The following ALK variants were observed in gnomAD, a reference collection of about 807,000 sequenced individuals.
ALK encodes the protein ALK receptor tyrosine kinase, also known as ALK tyrosine kinase receptor.
Under a neutral mutation model 163.1 loss-of-function variants are expected in ALK, and 74 were observed. That is an observed-to-expected ratio of 0.45 (90% CI 0.38 to 0.55). The LOEUF (loss-of-function observed/expected upper bound fraction) is 0.55, where lower values mean the gene tolerates loss of function less well. Among genes scored for constraint, ALK ranks in the 20% least tolerant of loss-of-function variants. The pLI is 0.00. For missense variants in ALK, 2,063 were observed against 2,105.3 expected, an observed-to-expected ratio of 0.98 and a Z score of 0.39; for synonymous variants, 960 against 843.2, an observed-to-expected ratio of 1.14 and a Z score of -2.40.
At chr2:29,399,138 C>T (rs879388166) in intron 4 of ALK, among the ~76,000 whole-genome samples, 3 of 151,924 alleles carry the variant, frequency 2.0e-5, no homozygotes, top group Non-Finnish European at 4.4e-5. Context: ...CTGTGTCAGA[C>T]GCTGGGCAGG....
chr2:29,889,695 C>CAGAGAGAG lies in ALK; in HGVS notation c.667+30290_667+30297dup, dbSNP rs869083201. ...ATCTGTATCTATATAGATAGATAGA[C>CAGAGAGAG]AGAGAGAGAGAGAGAGAGAGAGAGA... On this transcript the variant is annotated intron_variant, in intron 1 of 28. Transcript: ENST00000389048. 1.3e-4 allele frequency among the ~76,000 whole-genome samples: 13 copies of CAGAGAGAG among 101,932 alleles called. No homozygotes were observed. The East Asian group carries it at 1.9e-3, about 15-fold the overall frequency. 66.9% of individuals were successfully genotyped at this position (101,932 alleles called of 152,430 possible).
intron 1 of ALK, among the ~76,000 whole-genome samples, chr2:29,874,467 C>G (rs1302608882): frequency 1.3e-5 from 2 of 152,180 alleles, no homozygotes; most frequent in African/African-American, 4.8e-5. Context: ...CAATTTAAGT[C>G]AGGGCTAGTG....
intron 1 of ALK, among the ~76,000 whole-genome samples, chr2:29,833,013 G>A (rs1665461706): frequency 6.6e-6 from 1 of 152,148 alleles, no homozygotes; most frequent in South Asian, 2.1e-4. Context: ...TGGAAAGAAA[G>A]AGAGCCCAGT....
chr2:29,755,014 C>T (rs960387601), intron 1 of ALK, among the ~76,000 whole-genome samples: 1 of 152,094 alleles, frequency 6.6e-6, no homozygotes. Flanking sequence ...CAGGAAGCAC[C>T]GTGATTCTGA....
At chr2:29,862,056 C>T (rs1326945488) in intron 1 of ALK, among the ~76,000 whole-genome samples, 1 of 151,848 alleles carries the variant, frequency 6.6e-6, no homozygotes, top group Non-Finnish European at 1.5e-5. Flanking sequence ...ATGCAAAATC[C>T]ACAACTGACA....
chr2:29,697,650 G>A (rs528489177), intron 2 of ALK, among the ~76,000 whole-genome samples: 3 of 152,324 alleles, frequency 2.0e-5, no homozygotes, highest in East Asian at 3.9e-4. Context: ...ATGGGATAAT[G>A]TGATAGATAT....
chr2:29,258,934 A>G (rs1195583820), intron 11 of ALK, among the ~76,000 whole-genome samples: 3 of 152,184 alleles, frequency 2.0e-5, no homozygotes, highest in Non-Finnish European at 4.4e-5. Context: ...AGAGCTAGGA[A>G]ATATATATGT....
At chr2:29,475,077 T>C (rs922178551) in intron 4 of ALK, among the ~76,000 whole-genome samples, 5 of 152,146 alleles carry the variant, frequency 3.3e-5, no homozygotes, top group Non-Finnish European at 7.3e-5. Context: ...CACTCACTCA[T>C]CTTCCCTATG....
chr2:29,873,048 G>C (rs1666617558), intron 1 of ALK, among the ~76,000 whole-genome samples: 1 of 152,226 alleles, frequency 6.6e-6, no homozygotes, highest in Non-Finnish European at 1.5e-5. Flanking sequence ...TAGACAGTGT[G>C]AGCTCCTCAG....
At chr2:29,889,472 T>G (rs1193758038) in intron 1 of ALK, among the ~76,000 whole-genome samples, 1 of 152,054 alleles carries the variant, frequency 6.6e-6, no homozygotes, top group Non-Finnish European at 1.5e-5. Flanking sequence ...AGGATCTATT[T>G]TCTTTAAAAT....
At chr2:29,521,855 G>C (rs115175232) in intron 4 of ALK, among the ~76,000 whole-genome samples, 2,308 of 152,284 alleles carry the variant, frequency 0.015, 25 homozygotes, top group African/African-American at 0.026. Context: ...GGTTGGAATG[G>C]AGCTTCAGAA....
intron 3 of ALK, among the ~76,000 whole-genome samples, chr2:29,633,957 G>A (rs1402153488): frequency 1.3e-5 from 2 of 152,052 alleles, no homozygotes; most frequent in Non-Finnish European, 1.5e-5. Context: ...AGGACCAGAT[G>A]GCTTTATTGA....
Position 29,212,646 on chromosome 2 carries a change from T to G in ALK, c.3743+1338A>C, listed in dbSNP as rs116371364. On this transcript the variant is annotated intron_variant, in intron 24 of 28. Transcript: ENST00000389048. ...TACTTCCTGACCTCTCATTTCCCCA[T>G]TTTTATTAGGGAGAAAGCATAACTT... Among the ~76,000 whole-genome samples the G allele has an allele frequency of 3.6e-3, 548 of 152,352 alleles. 7 individuals are homozygous for G. The highest frequency in any genetic ancestry group is 0.012 in the African/African-American group (503 of 41,584).
intron 26 of ALK, among the ~76,000 whole-genome samples, chr2:29,206,382 C>G (rs1669310835): frequency 6.6e-6 from 1 of 151,866 alleles, no homozygotes; most frequent in South Asian, 2.1e-4. Context: ...AGTGAACCTC[C>G]CATCCAAGCT....
intron 3 of ALK, among the ~76,000 whole-genome samples, chr2:29,566,912 T>C (rs1309135158): frequency 1.3e-5 from 2 of 152,010 alleles, no homozygotes; most frequent in East Asian, 1.9e-4. Context: ...TATGTAAATA[T>C]ATACAAAGAA....
At chr2:29,743,715 G>C (rs1465518519) in intron 1 of ALK, among the ~76,000 whole-genome samples, 1 of 152,126 alleles carries the variant, frequency 6.6e-6, no homozygotes, top group East Asian at 1.9e-4. Context: ...CAACAGATGG[G>C]GGCTTAAAAC....
intron 1 of ALK, among the ~76,000 whole-genome samples, chr2:29,850,081 T>C (rs1225775799): frequency 1.3e-5 from 2 of 152,086 alleles, no homozygotes; most frequent in South Asian, 2.1e-4. Flanking sequence ...AAAATGCCCA[T>C]TGACAGTAGA....
chr2:29,636,599 G>T (rs1573517167), intron 3 of ALK, among the ~76,000 whole-genome samples: 1 of 152,054 alleles, frequency 6.6e-6, no homozygotes, highest in Non-Finnish European at 1.5e-5. Flanking sequence ...TGGTAAATTA[G>T]ATTTCATCAA....
intron 1 of ALK, among the ~76,000 whole-genome samples, chr2:29,742,161 T>A (rs1680080125): frequency 6.6e-6 from 1 of 152,150 alleles, no homozygotes; most frequent in South Asian, 2.1e-4. Flanking sequence ...GGCAGGGAGG[T>A]TCATCTTGTC....
Sources: gnomAD v4.1 joint callset for allele counts (sites outside exome capture counted in the v4.1 genomes callset) on GRCh38, gnomAD v4.1.1 for gene constraint, MANE v1.5 for transcripts, NCBI Gene and HGNC (gene_info 2026-07-23, HGNC 2026-07-21) for gene names.